Variants in DLG2 observed in about 807,000 individuals in gnomAD.
DLG2 encodes disks large homolog 2.
Under a neutral mutation model 132.5 loss-of-function variants are expected in DLG2, and 45 were observed. The observed-to-expected ratio is 0.34, with a 90% confidence interval of 0.27 to 0.44. The LOEUF (loss-of-function observed/expected upper bound fraction) is 0.44, where lower values mean the gene tolerates loss of function less well. DLG2 is among the 20% of genes least tolerant of loss of function. The pLI is 1.00. For synonymous variants in DLG2, 424 were observed against 419.6 expected, an observed-to-expected ratio of 1.01 and a Z score of -0.13; for missense variants, 1,045 against 1,196.9, an observed-to-expected ratio of 0.87 and a Z score of 1.87.
At chr11:83,461,230 C>T (rs1421419133) in intron 27 of DLG2, among the ~76,000 whole-genome samples, 3 of 151,790 alleles carry the variant, frequency 2.0e-5, no homozygotes, top group Non-Finnish European at 2.9e-5. Flanking sequence ...AGGCTGGTCT[C>T]GAACTCCTGA....
At chr11:85,513,926 G>T (rs1042581625) in intron 3 of DLG2, among the ~76,000 whole-genome samples, 1 of 151,844 alleles carries the variant, frequency 6.6e-6, no homozygotes, top group African/African-American at 2.4e-5. Context: ...GTCATCTTCT[G>T]TTCCCCATCC....
rs552691388 is a variant in DLG2, at chr11:84,485,874, C to T, written c.519+48696G>A. On this transcript the variant is annotated intron_variant, in intron 7 of 27. Coordinates refer to ENST00000376104, the MANE Select transcript of DLG2 (RefSeq NM_001142699.3). The stretch of plus-strand genomic sequence containing the variant: ...GCTTAATAATACAAAGGCTAGTTCT[C>T]ACTCATTGCAGGTTAGGGCACTCTG... 7.9e-5 allele frequency among the ~76,000 whole-genome samples: 12 copies of T among 152,222 alleles called. No homozygotes were observed. The East Asian group carries it at 2.1e-3, about 27-fold the overall frequency.
chr11:84,425,275 G>T (rs898683956), intron 7 of DLG2, among the ~76,000 whole-genome samples: 1 of 152,086 alleles, frequency 6.6e-6, no homozygotes, highest in Admixed American at 6.5e-5. Flanking sequence ...GAGAAGATAT[G>T]ACTTTCAAAT....
At chr11:84,002,320 CTCT>C (rs1055254008) in intron 11 of DLG2, among the ~76,000 whole-genome samples, 2 of 152,164 alleles carry the variant, frequency 1.3e-5, no homozygotes, top group Non-Finnish European at 2.9e-5. Context: ...GATGGGGGCC[CTCT>C]TCTTACAGCT....
At chr11:84,190,431 G>A (rs1485270368) in intron 8 of DLG2, among the ~76,000 whole-genome samples, 2 of 152,128 alleles carry the variant, frequency 1.3e-5, no homozygotes, top group East Asian at 1.9e-4. Context: ...GTGAAAACAC[G>A]CATTACTGGG....
chr11:85,602,242 C>A (rs1276298865), intron 2 of DLG2, among the ~76,000 whole-genome samples: 1 of 152,168 alleles, frequency 6.6e-6, no homozygotes, highest in Non-Finnish European at 1.5e-5. Flanking sequence ...TGGGCTCCAA[C>A]ATCAAATTAT....
In DLG2 at chr11:84,098,914, G is replaced by T. The variant is rs1316021137; in HGVS notation, c.749+9C>A. ...CTTTCAAAATCATTCTAATGTTTCA[G>T]ATCTTTACCTGAGTCTGCCATCCTC... On this transcript the variant is annotated intron_variant, in intron 10 of 27. Coordinates refer to ENST00000376104, the MANE Select transcript of DLG2 (RefSeq NM_001142699.3). 2 of 1,611,828 alleles carry T rather than the reference G, an allele frequency of 1.2e-6. No individual in the cohort carries two copies. Among genetic ancestry groups the T allele is most frequent in the Non-Finnish European group, 1.7e-6 (2 of 1,179,084 alleles).
intron 19 of DLG2, among the ~76,000 whole-genome samples, chr11:83,599,954 A>T (rs2058256146): frequency 6.6e-6 from 1 of 152,188 alleles, no homozygotes; most frequent in African/African-American, 2.4e-5. Flanking sequence ...TTGGCTACTG[A>T]TTAGTTCTTA....
intron 4 of DLG2, among the ~76,000 whole-genome samples, chr11:85,194,320 A>T (rs1343467493): frequency 1.3e-5 from 2 of 151,986 alleles, no homozygotes; most frequent in Non-Finnish European, 1.5e-5. Context: ...GGGAAAGAGT[A>T]TGGAAAAGCT....
intron 10 of DLG2, among the ~76,000 whole-genome samples, chr11:84,087,689 A>G (rs1443485428): frequency 2.0e-5 from 3 of 152,182 alleles, no homozygotes; most frequent in African/African-American, 7.2e-5. Flanking sequence ...TAGTCAATGA[A>G]GAGATAGGAT....
intron 3 of DLG2, among the ~76,000 whole-genome samples, chr11:85,416,456 A>C (rs1311508853): frequency 6.6e-6 from 1 of 151,974 alleles, no homozygotes; most frequent in Non-Finnish European, 1.5e-5. Context: ...AAATTTAAAG[A>C]AGTTTTTTTT....
chr11:84,291,826 A>G (rs769040225), intron 7 of DLG2, among the ~76,000 whole-genome samples: 1 of 152,238 alleles, frequency 6.6e-6, no homozygotes, highest in Non-Finnish European at 1.5e-5. Flanking sequence ...TAGATAAGTT[A>G]ATACGAATAA....
intron 3 of DLG2, among the ~76,000 whole-genome samples, chr11:85,456,322 C>A (rs1185803713): frequency 6.6e-6 from 1 of 152,012 alleles, no homozygotes; most frequent in Non-Finnish European, 1.5e-5. Context: ...TCCCCTTTGT[C>A]ATTTCTGATT....
At chr11:85,297,728 G>C (rs1249150241) in intron 3 of DLG2, among the ~76,000 whole-genome samples, 4 of 152,070 alleles carry the variant, frequency 2.6e-5, no homozygotes, top group Non-Finnish European at 2.9e-5. Flanking sequence ...GGAGTTTGGA[G>C]AACAGAGCTA....
intron 19 of DLG2, among the ~76,000 whole-genome samples, chr11:83,566,096 A>C (rs927295907): frequency 1.3e-5 from 2 of 152,214 alleles, no homozygotes; most frequent in African/African-American, 4.8e-5. Context: ...CTTTCCTAGA[A>C]ATATAATTTC....
intron 4 of DLG2, among the ~76,000 whole-genome samples, chr11:85,273,877 A>T (rs992159519): frequency 1.3e-5 from 2 of 152,182 alleles, no homozygotes; most frequent in South Asian, 4.1e-4. Context: ...AATGATAGAT[A>T]GGATTAAGAA....
chr11:84,435,062 A>T (rs2098996640), intron 7 of DLG2, among the ~76,000 whole-genome samples: 1 of 152,118 alleles, frequency 6.6e-6, no homozygotes, highest in African/African-American at 2.4e-5. Context: ...TCTAAACAAA[A>T]TTCAATAATA....
chr11:83,679,023 C>T (rs2078266912), intron 18 of DLG2, among the ~76,000 whole-genome samples: 1 of 152,028 alleles, frequency 6.6e-6, no homozygotes, highest in Admixed American at 6.6e-5. Context: ...AGATATGGGG[C>T]CAAGATCCCA....
chr11:84,212,534 G>A lies in DLG2; in HGVS notation c.573+38704C>T, dbSNP rs374209301. The stretch of plus-strand genomic sequence containing the variant: ...TAAGAAGTAGTGGCAGTAGATCAAA[G>A]AATTTGTCCATTTAAACCTATTTAA... On this transcript the variant is annotated intron_variant, in intron 8 of 27. Transcript: ENST00000376104. Among the ~76,000 whole-genome samples, 3 of 152,308 alleles carry A rather than the reference G, an allele frequency of 2.0e-5. No individual in the cohort carries two copies. In the East Asian group the frequency reaches 5.8e-4, roughly 29 times the overall value.
Sources: gnomAD v4.1 joint callset for allele counts (sites outside exome capture counted in the v4.1 genomes callset) on GRCh38, gnomAD v4.1.1 for gene constraint, MANE v1.5 for transcripts, NCBI Gene and HGNC (gene_info 2026-07-23, HGNC 2026-07-21) for gene names.